Variants in PTPRD observed in about 807,000 individuals in gnomAD.
PTPRD encodes protein tyrosine phosphatase receptor type D.
A neutral mutation model predicts 214.5 loss-of-function variants in PTPRD; 34 were observed. The ratio of observed to expected loss-of-function variants is 0.16; its 90% CI spans 0.12 to 0.21. PTPRD has a LOEUF of 0.21. PTPRD is among the 10% of genes least tolerant of loss of function. The pLI is 1.00. For missense variants in PTPRD, 2,545 were observed against 2,398.7 expected, an observed-to-expected ratio of 1.06 and a Z score of -1.27; for synonymous variants, 1,128 against 845.7, an observed-to-expected ratio of 1.33 and a Z score of -5.79.
intron 2 of PTPRD, among the ~76,000 whole-genome samples, chr9:10,511,157 T>C (rs549448593): frequency 6.6e-6 from 1 of 152,304 alleles, no homozygotes; most frequent in South Asian, 2.1e-4. Flanking sequence ...CAGAGGTTAT[T>C]TACTCATTTC....
chr9:8,721,693 C>A (rs1597953329), intron 12 of PTPRD, among the ~76,000 whole-genome samples: 1 of 152,174 alleles, frequency 6.6e-6, no homozygotes, highest in African/African-American at 2.4e-5. Context: ...TAATTATCAT[C>A]TAATACTCCA....
chr9:9,732,121 G>A lies in PTPRD; in HGVS notation c.-287+2412C>T, dbSNP rs139561526. Among the ~76,000 whole-genome samples, 199 of 152,102 alleles carry A rather than the reference G, an allele frequency of 1.3e-3. 1 individual carries two copies. The highest frequency in any genetic ancestry group is 4.4e-3 in the African/African-American group (184 of 41,494). On this transcript the variant is annotated intron_variant, in intron 7 of 45. Coordinates refer to ENST00000381196, the MANE Select transcript of PTPRD (RefSeq NM_002839.4). ...GGCCTTGAGGAATGAATAGGAAATG[G>A]GGATACGAGCAGACACACTGATCAT... is the stretch of plus-strand genomic sequence containing the variant.
At chr9:9,498,505 G>T (rs1332696462) in intron 8 of PTPRD, among the ~76,000 whole-genome samples, 1 of 152,040 alleles carries the variant, frequency 6.6e-6, no homozygotes, top group Non-Finnish European at 1.5e-5. Flanking sequence ...TCACTTCATT[G>T]ACATTTCAGT....
chr9:8,755,389 C>A (rs531457138), intron 11 of PTPRD, among the ~76,000 whole-genome samples: 1 of 151,896 alleles, frequency 6.6e-6, no homozygotes, highest in South Asian at 2.1e-4. Context: ...ATTAGCCGAG[C>A]ATGGCGGTGC....
chr9:10,413,015 A>C (rs980422737), intron 2 of PTPRD, among the ~76,000 whole-genome samples: 9 of 151,886 alleles, frequency 5.9e-5, no homozygotes, highest in African/African-American at 1.4e-4. Context: ...CATACCAAAA[A>C]GGGAAAACCT....
intron 9 of PTPRD, among the ~76,000 whole-genome samples, chr9:9,336,617 A>G (rs923850550): frequency 6.6e-6 from 1 of 152,164 alleles, no homozygotes; most frequent in Non-Finnish European, 1.5e-5. Context: ...GGATGAGGAT[A>G]ATCATGCTTT....
intron 9 of PTPRD, among the ~76,000 whole-genome samples, chr9:9,354,350 C>A (rs1315547669): frequency 6.6e-6 from 1 of 151,736 alleles, no homozygotes; most frequent in African/African-American, 2.4e-5. Context: ...TACTAAAATA[C>A]ATCTCAGTTC....
chr9:8,700,186 G>T (rs1215486174), intron 12 of PTPRD, among the ~76,000 whole-genome samples: 1 of 152,058 alleles, frequency 6.6e-6, no homozygotes, highest in East Asian at 1.9e-4. Context: ...AATCTTAATG[G>T]AAACTATATA....
intron 44 of PTPRD, among the ~76,000 whole-genome samples, chr9:8,323,740 A>G (rs1193819740): frequency 1.3e-5 from 2 of 152,180 alleles, no homozygotes; most frequent in Non-Finnish European, 2.9e-5. Flanking sequence ...AAGATGGAAT[A>G]TACTCATGAA....
At chr9:9,181,134 G>T (rs1028708514) in intron 10 of PTPRD, among the ~76,000 whole-genome samples, 1 of 151,994 alleles carries the variant, frequency 6.6e-6, no homozygotes, top group African/African-American at 2.4e-5. Flanking sequence ...TTTGTAATGG[G>T]ATCATATGAA....
intron 9 of PTPRD, among the ~76,000 whole-genome samples, chr9:9,303,719 A>C (rs1956229100): frequency 6.6e-6 from 1 of 152,126 alleles, no homozygotes; most frequent in Non-Finnish European, 1.5e-5. Flanking sequence ...TTTCCTCAGC[A>C]CATGGTACTT....
intron 7 of PTPRD, among the ~76,000 whole-genome samples, chr9:9,678,479 A>G (rs2096984493): frequency 6.6e-6 from 1 of 151,842 alleles, no homozygotes; most frequent in African/African-American, 2.4e-5. Context: ...AACGATTCCC[A>G]GTTTATGTAA....
chr9:9,338,857 G>A (rs1036942294), intron 9 of PTPRD, among the ~76,000 whole-genome samples: 9 of 151,652 alleles, frequency 5.9e-5, no homozygotes, highest in African/African-American at 2.2e-4. Context: ...CTCACCCCTC[G>A]ACAGGCCCTG....
chr9:9,452,544 ACAGAAG>A (rs2092389999), intron 8 of PTPRD, among the ~76,000 whole-genome samples: 1 of 151,252 alleles, frequency 6.6e-6, no homozygotes, highest in Non-Finnish European at 1.5e-5. Flanking sequence ...AAGAAAAACC[ACAGAAG>A]TTGGCTTAAC....
At chr9:9,957,765 T>C (rs1385223564) in intron 4 of PTPRD, among the ~76,000 whole-genome samples, 1 of 152,016 alleles carries the variant, frequency 6.6e-6, no homozygotes, top group Non-Finnish European at 1.5e-5. Context: ...TGGAAGACTG[T>C]CACAACCTGA....
At chr9:10,230,462 A>ATCTG (rs1313394342) in intron 3 of PTPRD, among the ~76,000 whole-genome samples, 1 of 151,530 alleles carries the variant, frequency 6.6e-6, no homozygotes, top group African/African-American at 2.4e-5. Context: ...CTATCTATCT[A>ATCTG]TCTATCTATC....
chr9:10,160,947 C>A (rs1250059412), intron 3 of PTPRD, among the ~76,000 whole-genome samples: 3 of 151,590 alleles, frequency 2.0e-5, no homozygotes, highest in Non-Finnish European at 3.0e-5. Flanking sequence ...AAATAGAAAT[C>A]AATAAAACAA....
intron 12 of PTPRD, among the ~76,000 whole-genome samples, chr9:8,640,483 G>C (rs1289153708): frequency 2.0e-5 from 3 of 148,664 alleles, no homozygotes; most frequent in Non-Finnish European, 4.4e-5. Flanking sequence ...TAACCAGTTA[G>C]AATCTATTTT....
chr9:10,283,635 G>C (rs898838473), intron 3 of PTPRD, among the ~76,000 whole-genome samples: 1 of 152,134 alleles, frequency 6.6e-6, no homozygotes, highest in Non-Finnish European at 1.5e-5. Context: ...AGTAAACAGA[G>C]ATCAGGTCTC....
Sources: gnomAD v4.1 joint callset for allele counts (sites outside exome capture counted in the v4.1 genomes callset) on GRCh38, gnomAD v4.1.1 for gene constraint, MANE v1.5 for transcripts, NCBI Gene and HGNC (gene_info 2026-07-23, HGNC 2026-07-21) for gene names.